The following CSNK1E variants were observed in gnomAD, a reference collection of about 807,000 sequenced individuals.
CSNK1E encodes casein kinase 1 epsilon.
CSNK1E carries 17 observed loss-of-function variants against 46.1 expected under a neutral mutation model. The ratio of observed to expected loss-of-function variants is 0.37; its 90% CI spans 0.25 to 0.55. CSNK1E has a LOEUF of 0.55. CSNK1E is among the 20% of genes least tolerant of loss of function. CSNK1E has a pLI of 0.82. For synonymous variants in CSNK1E, 241 were observed against 242.6 expected (o/e 0.99, Z 0.06); for missense variants, 386 against 595.4 (o/e 0.65, Z 3.66).
chr22:38,296,490 T>G (rs149264195), intron 7 of CSNK1E: 29,698 of 1,571,604 alleles, frequency 0.019, 329 homozygotes, highest in Middle Eastern at 0.029. Flanking sequence ...TCCCATTGCA[T>G]GTTTTCCAGG....
intron 2 of CSNK1E, among the ~76,000 whole-genome samples, chr22:38,305,372 T>C (rs867354826): frequency 6.7e-6 from 1 of 148,602 alleles, no homozygotes; most frequent in South Asian, 2.1e-4. Flanking sequence ...AATTGCCTTA[T>C]AGCCTTGGGG....
rs2092619798 is a variant in CSNK1E, at chr22:38,293,066, C to G, written c.*32+189G>C. 4.9e-6 allele frequency: 3 copies of G among 607,812 alleles called. No individual in the cohort carries two copies. The South Asian group carries it at 5.8e-5, about 12-fold the overall frequency. 37.7% of individuals were successfully genotyped at this position (607,812 alleles called of 1,614,324 possible). A position where few individuals can be genotyped will look rare whatever the true frequency, so the allele number is the denominator to read the frequency against. On this transcript the variant is annotated intron_variant, in intron 10 of 10. Coordinates refer to ENST00000396832, the MANE Select transcript of CSNK1E (RefSeq NM_152221.3). ...AGGGGTCAGGCCTGAGCATAGAAAC[C>G]CTTGGCCCCAAGTCAGGCAGCCTCC... is the stretch of plus-strand genomic sequence containing the variant.
chr22:38,298,745 A>C lies in CSNK1E; in HGVS notation c.885+41T>G. 4 of 1,611,316 alleles carry C rather than the reference A, an allele frequency of 2.5e-6. No individual in the cohort carries two copies. Among genetic ancestry groups the C allele is most frequent in the Non-Finnish European group, 3.4e-6 (4 of 1,178,602 alleles). On this transcript the variant is annotated intron_variant, in intron 7 of 10. Coordinates refer to ENST00000396832, the MANE Select transcript of CSNK1E (RefSeq NM_152221.3). This position sits in a 1 kb window ranked among gnomAD's most constrained non-coding sequence, Gnocchi z 4.2. ...GGCCCTCTGAGTCAGGGCCTTCCCCATCCAGTCCCCCAAGCCCGCCTTGGC... is the reference window on the plus strand; with the variant it reads ...GGCCCTCTGAGTCAGGGCCTTCCCCCTCCAGTCCCCCAAGCCCGCCTTGGC...
In CSNK1E at chr22:38,298,315, G is replaced by T; in HGVS notation, c.885+471C>A. 1.4e-6 allele frequency: 1 copy of T among 730,512 alleles called. No individual in the cohort carries two copies. The highest frequency in any genetic ancestry group is 1.9e-6 in the Non-Finnish European group (1 of 514,112). 45.3% of individuals were successfully genotyped at this position (730,512 alleles called of 1,614,324 possible). On this transcript the variant is annotated intron_variant, in intron 7 of 10. Coordinates refer to ENST00000396832, the MANE Select transcript of CSNK1E (RefSeq NM_152221.3). The surrounding 1 kb of genome is among the most constrained non-coding windows in gnomAD (Gnocchi z 4.2). ...AACCCCACCCCTGGGACTCTTAAAAGAGGGAAACAGAACAACTGCCTAGCC... is the reference window on the plus strand; with the variant it reads ...AACCCCACCCCTGGGACTCTTAAAATAGGGAAACAGAACAACTGCCTAGCC...
chr22:38,296,115 C>T (rs2092639154), intron 7 of CSNK1E: 2 of 973,492 alleles, frequency 2.1e-6, no homozygotes, highest in Non-Finnish European at 2.4e-6. Flanking sequence ...GTGAGCCCAG[C>T]AGGCTCAGGC....
Position 38,294,209 on chromosome 22 carries a change from T to C in CSNK1E, c.1118A>G (p.Glu373Gly). The C allele has an allele frequency of 6.2e-7, 1 of 1,612,598 alleles. No individual in the cohort carries two copies. The highest frequency in any genetic ancestry group is 8.5e-7 in the Non-Finnish European group (1 of 1,179,904). ...GTGCAGCCTCATACTCACCTTCCTC[T>C]CCCGGTCGACCCGCGAGATCGCTCT... ...SPRAISRVDR[E>G]RKVSMRLHRG... Residue 373 changes from glutamate to glycine, a missense_variant, in exon 9 of 11, where the codon GAG becomes GGG. By Grantham distance (98) the Glu-to-Gly change is moderately conservative (BLOSUM62 -2). This residue lies in a region of CSNK1E where 174 missense variants were observed against 185.2 expected (regional missense o/e 0.94). Coordinates refer to ENST00000396832, the MANE Select transcript of CSNK1E (RefSeq NM_152221.3). The surrounding 1 kb of genome is among the most constrained non-coding windows in gnomAD (Gnocchi z 5.5).
In CSNK1E at chr22:38,300,674, C is replaced by G. The variant is rs1412752423; in HGVS notation, c.565+50G>C. On this transcript the variant is annotated intron_variant, in intron 5 of 10. Transcript: ENST00000396832. The surrounding 1 kb of genome is among the most constrained non-coding windows in gnomAD (Gnocchi z 4.4). ...GGTGAGAGGGCTCCAGAGAGCTGGG[C>G]CCCAGCCAGTGGCCCCGGGTGCACA... The G allele has an allele frequency of 1.3e-6, 2 of 1,566,626 alleles. No homozygotes were observed. The highest frequency in any genetic ancestry group is 2.7e-5 in the African/African-American group (2 of 73,954).
At position 38,298,360 on chromosome 22, in the gene CSNK1E, CAAG is replaced by C. The variant is rs1370952580; in HGVS notation, c.885+423_885+425del. Among the ~76,000 whole-genome samples the C allele has an allele frequency of 1.3e-5, 2 of 151,864 alleles. No homozygotes were observed. The highest frequency in any genetic ancestry group is 2.9e-5 in the Non-Finnish European group (2 of 67,960). ...CTAGCCAGACCCAGGGGCCCATGAC[CAAG>C]AAGAAAGCAAGCACCATGACTGGGT... is the stretch of plus-strand genomic sequence containing the variant. On this transcript the variant is annotated intron_variant, in intron 7 of 10. Transcript: ENST00000396832. This position sits in a 1 kb window ranked among gnomAD's most constrained non-coding sequence, Gnocchi z 4.2.
chr22:38,314,261 C>T (rs536832784), intron 1 of CSNK1E, 92 bp from the exon 2 acceptor site: 18 of 929,316 alleles, frequency 1.9e-5, no homozygotes, highest in South Asian at 5.5e-5. Context: ...ACCAGGAACT[C>T]GAAAACCTGC....
In CSNK1E at chr22:38,298,975, C is replaced by T; in HGVS notation, c.737-41G>A. Reference sequence around the variant, plus strand: ...GAGGATAGAGAAGGCCACTGTGAGGCCCACGCTCCCAGACCCCCTGCAGCC... The same window carrying T: ...GAGGATAGAGAAGGCCACTGTGAGGTCCACGCTCCCAGACCCCCTGCAGCC... On this transcript the variant is annotated intron_variant, in intron 6 of 10. Coordinates refer to ENST00000396832, the MANE Select transcript of CSNK1E (RefSeq NM_152221.3). The surrounding 1 kb of genome is among the most constrained non-coding windows in gnomAD (Gnocchi z 4.2). 6.2e-7 allele frequency: 1 copy of T among 1,611,224 alleles called. No homozygotes were observed. Among genetic ancestry groups the T allele is most frequent in the Non-Finnish European group, 8.5e-7 (1 of 1,177,772 alleles).
rs572046815 is a variant in CSNK1E, at chr22:38,296,003, A to T, written c.886-1469T>A. 2.8e-4 allele frequency among the ~76,000 whole-genome samples: 42 copies of T among 152,356 alleles called. No homozygotes were observed. The East Asian group carries it at 6.8e-3, about 24-fold the overall frequency. ...TCACATCAACCCTGTGAGGCAGGTC[A>T]ATCTCATTTCCATGCTTGGGATACA... On this transcript the variant is annotated intron_variant, in intron 7 of 10. Coordinates refer to ENST00000396832, the MANE Select transcript of CSNK1E (RefSeq NM_152221.3).
chr22:38,301,072 G>T (rs1175582357), intron 4 of CSNK1E, 120 bp from the exon 5 acceptor site: 5 of 794,528 alleles, frequency 6.3e-6, no homozygotes, highest in Non-Finnish European at 1.0e-5. Flanking sequence ...CTTCGACCAT[G>T]AAGGATAACT....
chr22:38,296,337 C>A, intron 7 of CSNK1E: 1 of 1,351,162 alleles, frequency 7.4e-7, no homozygotes, highest in Non-Finnish European at 9.5e-7. Context: ...GACTGGACCT[C>A]GGAACACAGT....
In CSNK1E at chr22:38,309,559, A is replaced by T. The variant is rs2092712252; in HGVS notation, c.76+4523T>A. On this transcript the variant is annotated intron_variant, in intron 2 of 10. Coordinates refer to ENST00000396832, the MANE Select transcript of CSNK1E (RefSeq NM_152221.3). The surrounding 1 kb of genome is among the most constrained non-coding windows in gnomAD (Gnocchi z 4.8). ...AACTTCTGCCTCCCGGGTTCAAGCG[A>T]TTCTCATGCCTCAGCCTCCCGAGTA... Among the ~76,000 whole-genome samples, 1 of 151,692 alleles carries T rather than the reference A, an allele frequency of 6.6e-6. No homozygotes were observed. Among genetic ancestry groups the T allele is most frequent in the Non-Finnish European group, 1.5e-5 (1 of 67,962 alleles).
Position 38,298,638 on chromosome 22 carries a change from C to G in CSNK1E, c.885+148G>C, listed in dbSNP as rs1166191193. ...TCAGCACGGATGAGGCTGGAGGGCT[C>G]TGGGACCCCAGTGAGGTCAACCACA... On this transcript the variant is annotated intron_variant, in intron 7 of 10. Coordinates refer to ENST00000396832, the MANE Select transcript of CSNK1E (RefSeq NM_152221.3). The surrounding 1 kb of genome is among the most constrained non-coding windows in gnomAD (Gnocchi z 4.2). 1 of 893,142 alleles carries G rather than the reference C, an allele frequency of 1.1e-6. No individual in the cohort carries two copies. The highest frequency in any genetic ancestry group is 1.7e-6 in the Non-Finnish European group (1 of 574,326). The allele number at this position is 893,142 out of a possible 1,614,324, so 55.3% of individuals were successfully genotyped here.
chr22:38,312,828 G>A (rs531757739), intron 2 of CSNK1E, among the ~76,000 whole-genome samples: 1 of 152,174 alleles, frequency 6.6e-6, no homozygotes, highest in Non-Finnish European at 1.5e-5. Context: ...ACAAAGCCAC[G>A]TCTAGAACGC....
chr22:38,302,732 A>C, intron 4 of CSNK1E, 129 bp downstream of exon 4: 1 of 1,079,448 alleles, frequency 9.3e-7, no homozygotes, highest in Non-Finnish European at 1.3e-6. Flanking sequence ...AAACACCTAC[A>C]ATTCTATAGC....
At chr22:38,314,679 A>T (rs993761696) in intron 1 of CSNK1E, among the ~76,000 whole-genome samples, 1 of 152,158 alleles carries the variant, frequency 6.6e-6, no homozygotes, top group Non-Finnish European at 1.5e-5. Context: ...AAGACCTCAC[A>T]CGGAGGCCCA....
intron 2 of CSNK1E, among the ~76,000 whole-genome samples, chr22:38,313,591 G>A (rs996030762): frequency 4.6e-5 from 7 of 152,178 alleles, no homozygotes; most frequent in African/African-American, 7.2e-5. Flanking sequence ...TGAGGAGACC[G>A]CATCCCCCCA....
Sources: gnomAD v4.1 joint callset for allele counts (sites outside exome capture counted in the v4.1 genomes callset) on GRCh38, gnomAD v4.1.1 for gene constraint, gnomAD v4.1.1 regional missense constraint, Gnocchi (gnomAD v3.1) non-coding constraint, MANE v1.5 for transcripts, NCBI Gene and HGNC (gene_info 2026-07-23, HGNC 2026-07-21) for gene names.